The following DNAH9 variants were observed in gnomAD, a reference collection of about 807,000 sequenced individuals.
The protein encoded by DNAH9 is dynein axonemal heavy chain 9.
Under a neutral mutation model 471.6 loss-of-function variants are expected in DNAH9, and 345 were observed. The observed-to-expected ratio is 0.73, with a 90% CI of 0.67 to 0.80. The LOEUF (loss-of-function observed/expected upper bound fraction) is 0.80. DNAH9 is among the 30% of genes least tolerant of loss of function. The pLI is 0.00. For missense variants in DNAH9, 5,407 were observed against 5,609.2 expected, an observed-to-expected ratio of 0.96 and a Z score of 1.15; for synonymous variants, 2,093 against 2,123.6, an observed-to-expected ratio of 0.99 and a Z score of 0.40.
intron 59 of DNAH9, among the ~76,000 whole-genome samples, chr17:11,900,972 C>G (rs941688032): frequency 1.3e-5 from 2 of 152,192 alleles, no homozygotes; most frequent in Non-Finnish European, 2.9e-5. Flanking sequence ...GTTCCAACAT[C>G]AAGACTGATG....
chr17:11,697,630 A>G (rs1419118566), intron 22 of DNAH9, among the ~76,000 whole-genome samples: 2 of 152,120 alleles, frequency 1.3e-5, no homozygotes, highest in Non-Finnish European at 2.9e-5. Context: ...ATTTATCTGT[A>G]TATTTTTTCA....
chr17:11,797,342 G>C (rs1190671411), intron 42 of DNAH9, among the ~76,000 whole-genome samples: 3 of 152,132 alleles, frequency 2.0e-5, no homozygotes, highest in Admixed American at 2.0e-4. Flanking sequence ...CCGTGCTTGT[G>C]AGGAGGCCCC....
At chr17:11,942,160 C>A in intron 66 of DNAH9, 143 bp from the exon 67 acceptor site, 1 of 1,165,166 alleles carries the variant, frequency 8.6e-7, no homozygotes, top group Non-Finnish European at 1.2e-6. Flanking sequence ...CCTCGACAAG[C>A]AGGCAAGAGT....
At chr17:11,627,087 G>T (rs966701326) in intron 6 of DNAH9, among the ~76,000 whole-genome samples, 1 of 152,174 alleles carries the variant, frequency 6.6e-6, no homozygotes, top group African/African-American at 2.4e-5. Context: ...GGGGAAAGCT[G>T]GATGGGTGGA....
Position 11,659,916 on chromosome 17 carries a change from C to T in DNAH9, c.2596-4917C>T, listed in dbSNP as rs910917274. Among the ~76,000 whole-genome samples, 7 of 152,154 alleles carry T rather than the reference C, an allele frequency of 4.6e-5. No individual in the cohort carries two copies. In the South Asian group the frequency reaches 1.0e-3, roughly 22 times the overall value. ...ACGACCTGGTGTTTGGTCTGATTAC[C>T]CCAACATTATGTGTCTATGGGATCT... is the stretch of plus-strand genomic sequence containing the variant. On this transcript the variant is annotated intron_variant, in intron 14 of 68. Transcript: ENST00000262442.
chr17:11,810,494 A>G, intron 45 of DNAH9, 125 bp downstream of exon 45: 1 of 1,242,464 alleles, frequency 8.0e-7, no homozygotes, highest in Non-Finnish European at 1.1e-6. Context: ...AAACTGACAC[A>G]GCCAAGGACT....
chr17:11,863,388 A>G (rs1389359201), intron 50 of DNAH9, among the ~76,000 whole-genome samples: 2 of 152,052 alleles, frequency 1.3e-5, no homozygotes, highest in Non-Finnish European at 2.9e-5. Flanking sequence ...ATCACAGTGG[A>G]TAAGCTTTTT....
intron 48 of DNAH9, among the ~76,000 whole-genome samples, chr17:11,829,409 T>C (rs1327366800): frequency 1.3e-5 from 2 of 152,260 alleles, no homozygotes; most frequent in Admixed American, 6.5e-5. Flanking sequence ...ATAATTGTAA[T>C]AATGATGAAA....
chr17:11,736,938 G>A (rs1455393525), intron 28 of DNAH9, among the ~76,000 whole-genome samples: 1 of 152,208 alleles, frequency 6.6e-6, no homozygotes, highest in Admixed American at 6.5e-5. Context: ...TAAGGCGAGT[G>A]CTCTGTATAT....
At chr17:11,919,594 G>A (rs1974071017) in intron 61 of DNAH9, among the ~76,000 whole-genome samples, 1 of 151,746 alleles carries the variant, frequency 6.6e-6, no homozygotes, top group South Asian at 2.1e-4. Context: ...CATTGAAAGA[G>A]TACCAAAGCG....
Position 11,693,972 on chromosome 17 carries a change from T to A in DNAH9, c.4719T>A (p.Tyr1573Ter), listed in dbSNP as rs200681631. Residue 1573 changes from tyrosine to a stop codon, truncating the protein, a stop_gained, in exon 21 of 69, where the codon TAT becomes TAA. Coordinates refer to ENST00000262442, the MANE Select transcript of DNAH9 (RefSeq NM_001372.4). LOFTEE classifies it high-confidence loss of function. ...AAACCACCAACAAGCCAGGCCTGTA[T>A]GAAAAGCTGGAGGATATTCAGGGCA... ...VVQTTNKPGL[Y>*]EKLEDIQGRL... 1 of 1,614,164 alleles carries A rather than the reference T, an allele frequency of 6.2e-7. No individual in the cohort carries two copies. The highest frequency in any genetic ancestry group is 1.3e-5 in the African/African-American group (1 of 75,054).
intron 61 of DNAH9, among the ~76,000 whole-genome samples, chr17:11,910,082 T>C (rs536161870): frequency 6.6e-6 from 1 of 152,138 alleles, no homozygotes; most frequent in Non-Finnish European, 1.5e-5. Context: ...GGTGAAACCC[T>C]GTCTCTACTA....
At chr17:11,635,333 ATTT>A (rs746022574) in intron 8 of DNAH9, among the ~76,000 whole-genome samples, 9 of 94,658 alleles carry the variant, frequency 9.5e-5, no homozygotes, top group African/African-American at 3.5e-4. Context: ...TGACTCGCTA[ATTT>A]TTTTTTTTTT....
intron 50 of DNAH9, among the ~76,000 whole-genome samples, chr17:11,857,341 C>G (rs550811985): frequency 1.3e-3 from 204 of 152,266 alleles, no homozygotes; most frequent in Middle Eastern, 0.01. Flanking sequence ...TAACAACCTC[C>G]TCTCCATCCT....
At position 11,929,882 on chromosome 17, in the gene DNAH9, C is replaced by T. The variant is rs1162168243; in HGVS notation, c.11894C>T (p.Ala3965Val). Residue 3965 changes from alanine (A) to valine (V), a missense_variant, in exon 63 of 69, where the codon GCC (alanine) becomes GTC (valine). Physicochemically the swap from Ala to Val is moderately conservative, Grantham distance 64. This residue lies in a region of DNAH9 where 4,636 missense variants were observed against 4,900.3 expected (regional missense o/e 0.95). Transcript: ENST00000262442. ...WVILQNIHLV[A>V]KWLSTLEKKL... The stretch of plus-strand genomic sequence containing the variant: ...TCCCACTAGAACATTCACCTGGTGG[C>T]CAAGTGGCTCAGCACCCTGGAGAAG... The T allele has an allele frequency of 9.9e-6, 16 of 1,613,484 alleles. No homozygotes were observed. Among genetic ancestry groups the T allele is most frequent in the Non-Finnish European group, 1.2e-5 (14 of 1,179,832 alleles).
At chr17:11,756,274 CAAA>C (rs5819339) in intron 33 of DNAH9, among the ~76,000 whole-genome samples, 62,897 of 135,870 alleles carry the variant, frequency 0.46, 13,558 homozygotes, top group East Asian at 0.54. Flanking sequence ...GAGACTCTGT[CAAA>C]AAAAAAAAAA....
rs1324138557 is a variant in DNAH9 at position 11,793,423 on chromosome 17, A to G, written c.8062-80A>G. 4.5e-6 allele frequency: 6 copies of G among 1,340,698 alleles called. No individual in the cohort carries two copies. The African/African-American group carries it at 7.3e-5, about 16-fold the overall frequency. 83.1% of individuals were successfully genotyped at this position (1,340,698 alleles called of 1,614,324 possible). On this transcript the variant is annotated intron_variant, in intron 41 of 68. Transcript: ENST00000262442. The stretch of plus-strand genomic sequence containing the variant: ...CTAGACATCATCCCAGGTTAGATAA[A>G]ATGCTCCAGGAAGTTTTCCTAGCTA...
rs529017839 is a variant in DNAH9 at position 11,690,419 on chromosome 17, C to T, written c.4597C>T (p.Arg1533Trp). 36 of 1,613,508 alleles carry T rather than the reference C, an allele frequency of 2.2e-5. No homozygotes were observed. The East Asian group carries it at 3.8e-4, about 17-fold the overall frequency. Residue 1533 changes from arginine (R) to tryptophan (W), a missense_variant, in exon 20 of 69, where the codon CGG becomes TGG. Coordinates refer to ENST00000262442, the MANE Select transcript of DNAH9 (RefSeq NM_001372.4). ...ESIFTGSEDI[R>W]AQLPQDSKRF... ...CATATTCACTGGATCTGAAGATATTCGGGCACAGCTACCCCAGGTACCTGC... is the reference window on the plus strand; with the variant it reads ...CATATTCACTGGATCTGAAGATATTTGGGCACAGCTACCCCAGGTACCTGC...
intron 49 of DNAH9, among the ~76,000 whole-genome samples, chr17:11,849,027 A>G (rs1971320211): frequency 6.6e-6 from 1 of 152,074 alleles, no homozygotes. Flanking sequence ...TAGTAGAGAC[A>G]GGGTTTCACC....
Sources: gnomAD v4.1 joint callset for allele counts (sites outside exome capture counted in the v4.1 genomes callset) on GRCh38, gnomAD v4.1.1 for gene constraint, gnomAD v4.1.1 regional missense constraint, MANE v1.5 for transcripts, NCBI Gene and HGNC (gene_info 2026-07-23, HGNC 2026-07-21) for gene names.